The following WRN variants were observed in gnomAD, a reference collection of about 807,000 sequenced individuals.
WRN encodes the protein WRN RecQ like helicase.
A neutral mutation model predicts 180.7 loss-of-function variants in WRN; 149 were observed. That is an observed-to-expected ratio of 0.82 (90% CI 0.72 to 0.94). The LOEUF is 0.94. Ranked by LOEUF, WRN falls within the 40% of genes least tolerant of loss-of-function variation. WRN has a pLI of 0.00. For synonymous variants in WRN, 548 were observed against 568.9 expected (o/e 0.96, Z 0.52); for missense variants, 1,661 against 1,700.1 (o/e 0.98, Z 0.40).
intron 18 of WRN, among the ~76,000 whole-genome samples, chr8:31,108,309 C>T (rs1192347262): frequency 6.6e-6 from 1 of 152,096 alleles, no homozygotes; most frequent in Admixed American, 6.5e-5. Flanking sequence ...AATGTCCTGG[C>T]AAATGAGGAT....
chr8:31,072,458 G>A (rs75027493), intron 7 of WRN, among the ~76,000 whole-genome samples: 85 of 152,224 alleles, frequency 5.6e-4, no homozygotes, highest in Admixed American at 4.3e-3. Context: ...AGAATGAGGT[G>A]GGTGGAAGTC....
At chr8:31,094,459 C>G (rs1474453546) in intron 16 of WRN, among the ~76,000 whole-genome samples, 1 of 151,936 alleles carries the variant, frequency 6.6e-6, no homozygotes. Flanking sequence ...GATCCTCCCA[C>G]CTCAGTCTCC....
intron 1 of WRN, among the ~76,000 whole-genome samples, chr8:31,045,682 G>A (rs1164524635): frequency 1.3e-5 from 2 of 152,150 alleles, no homozygotes; most frequent in Non-Finnish European, 2.9e-5. Context: ...GATTACAGGT[G>A]TGAGCCACCT....
chr8:31,067,992 T>C (rs1339394096), intron 6 of WRN, among the ~76,000 whole-genome samples: 2 of 152,188 alleles, frequency 1.3e-5, no homozygotes, highest in Admixed American at 6.5e-5. Flanking sequence ...TTAGATTCCA[T>C]TTTAAGTTAT....
intron 7 of WRN, among the ~76,000 whole-genome samples, chr8:31,075,676 C>T (rs1252118534): frequency 6.6e-6 from 1 of 150,462 alleles, no homozygotes; most frequent in Non-Finnish European, 1.5e-5. Flanking sequence ...GCCGAGATTG[C>T]GCCACTGCAT....
chr8:31,090,418 G>T lies in WRN; in HGVS notation c.1653-47G>T. On this transcript the variant is annotated intron_variant, in intron 13 of 34. Transcript: ENST00000298139. ...GAATGGATTTTAATTTGTACCTTGG[G>T]TTTCTTATTAATAAAACAAAATAGC... is the stretch of plus-strand genomic sequence containing the variant. The T allele has an allele frequency of 6.4e-6, 10 of 1,552,672 alleles. 1 individual carries two copies. Among genetic ancestry groups the T allele is most frequent in the Non-Finnish European group, 8.0e-6 (9 of 1,127,048 alleles).
At chr8:31,064,184 C>A in intron 3 of WRN, 105 bp from the exon 4 acceptor site, 1 of 1,302,708 alleles carries the variant, frequency 7.7e-7, no homozygotes, top group Non-Finnish European at 1.1e-6. Context: ...CTCCAGATAA[C>A]TTGAACAGTC....
Position 31,090,643 on chromosome 8 carries a change from G to A in WRN, c.1720+111G>A. Reference sequence around the variant, plus strand: ...AAATACAAATGCAACTACAAATGATGTAAACTATAGAAGAGAGTGAACAAA... The same window carrying A: ...AAATACAAATGCAACTACAAATGATATAAACTATAGAAGAGAGTGAACAAA... On this transcript the variant is annotated intron_variant, in intron 14 of 34. Transcript: ENST00000298139. 4 of 1,210,748 alleles carry A rather than the reference G, an allele frequency of 3.3e-6. No homozygotes were observed. In the South Asian group the frequency reaches 3.9e-5, roughly 12 times the overall value. 75.0% of individuals were successfully genotyped at this position (1,210,748 alleles called of 1,614,324 possible).
chr8:31,043,508 A>G (rs1811733134), intron 1 of WRN, among the ~76,000 whole-genome samples: 1 of 152,158 alleles, frequency 6.6e-6, no homozygotes. Flanking sequence ...TTAGGATGCT[A>G]TTGAAATTTG....
chr8:31,111,869 T>C (rs1801334118), intron 19 of WRN, 70 bp downstream of exon 19: 3 of 1,551,168 alleles, frequency 1.9e-6, no homozygotes, highest in Admixed American at 3.5e-5. Context: ...TTATGTATTT[T>C]ATGTTATTTA....
chr8:31,090,435 C>G, intron 13 of WRN, 30 bp from the exon 14 acceptor site: 1 of 1,602,990 alleles, frequency 6.2e-7, no homozygotes, highest in Non-Finnish European at 8.5e-7. Context: ...ATTAATAAAA[C>G]AAAATAGCTT....
intron 13 of WRN, among the ~76,000 whole-genome samples, chr8:31,089,622 A>G (rs990031466): frequency 6.6e-6 from 1 of 151,976 alleles, no homozygotes; most frequent in African/African-American, 2.4e-5. Context: ...TGTAGAGATC[A>G]ATGAATTGTC....
At chr8:31,143,060 C>CAT (rs1169119469) in intron 27 of WRN, among the ~76,000 whole-genome samples, 2 of 71,496 alleles carry the variant, frequency 2.8e-5, no homozygotes. Flanking sequence ...CACACATTCT[C>CAT]TCTCTCTCTC....
At position 31,083,756 on chromosome 8, in the gene WRN, G is replaced by A. The variant is rs1287053714; in HGVS notation, c.1327G>A (p.Asp443Asn). 1.2e-6 allele frequency: 2 copies of A among 1,605,336 alleles called. No individual in the cohort carries two copies. Among genetic ancestry groups the A allele is most frequent in the Admixed American group, 1.7e-5 (1 of 59,842 alleles). ...DTSYVIESDE[D>N]LEMEMLKHLS... ...GTCCTATGTAATTGAGAGTGATGAA[G>A]ATTTAGAAATGGAGATGCTTAAGGT... Residue 443 changes from aspartate to asparagine, a missense_variant, in exon 10 of 35, where the codon GAT (aspartate) becomes AAT (asparagine). Coordinates refer to ENST00000298139, the MANE Select transcript of WRN (RefSeq NM_000553.6).
At position 31,157,492 on chromosome 8, in the gene WRN, T is replaced by C; in HGVS notation, c.3944T>C (p.Ile1315Thr). 1 of 1,614,138 alleles carries C rather than the reference T, an allele frequency of 6.2e-7. No individual in the cohort carries two copies. The change falls in exon 33 of 35, where the codon ATT becomes ACT. Residue 1315 changes from isoleucine to threonine, a missense_variant. By Grantham distance (89) the Ile-to-Thr change is moderately conservative. Coordinates refer to ENST00000298139, the MANE Select transcript of WRN (RefSeq NM_000553.6). ...GGCCTGACTCCAGAGGTTCAGAAGATTATTGCTGATGTTATCCGAAACCCT... is the reference window on the plus strand; with the variant it reads ...GGCCTGACTCCAGAGGTTCAGAAGACTATTGCTGATGTTATCCGAAACCCT... ...RAGLTPEVQK[I>T]IADVIRNPPV...
intron 31 of WRN, among the ~76,000 whole-genome samples, chr8:31,151,837 A>T (rs7003227): frequency 0.24 from 35,641 of 150,964 alleles, 4,318 homozygotes; most frequent in South Asian, 0.29. Flanking sequence ...TGAATTATTT[A>T]AAAAAAAACA....
chr8:31,139,999 CTTTGTTTTTTTTT>C (rs1440825175), intron 24 of WRN, among the ~76,000 whole-genome samples: 25 of 74,760 alleles, frequency 3.3e-4, no homozygotes, highest in African/African-American at 1.3e-3. Flanking sequence ...TTGTATACTT[CTTTGTTTTTTTTT>C]TTTTTTTTTT....
At chr8:31,126,188 A>G (rs1801926790) in intron 23 of WRN, among the ~76,000 whole-genome samples, 1 of 152,152 alleles carries the variant, frequency 6.6e-6, no homozygotes, top group Non-Finnish European at 1.5e-5. Flanking sequence ...ATTCTACCCA[A>G]CAACAGTAGA....
chr8:31,042,910 A>T lies in WRN; in HGVS notation c.-77+8937A>T, dbSNP rs1022457895. Among the ~76,000 whole-genome samples, 5 of 152,356 alleles carry T rather than the reference A, an allele frequency of 3.3e-5. No homozygotes were observed. The South Asian group carries it at 1.0e-3, about 32-fold the overall frequency. ...GAATTGTTAAATTATGATAGATAAA[A>T]TGGAATTCTATTCAGTCTTCAAAAA... On this transcript the variant is annotated intron_variant, in intron 1 of 34. Coordinates refer to ENST00000298139, the MANE Select transcript of WRN (RefSeq NM_000553.6).
Sources: gnomAD v4.1 joint callset for allele counts (sites outside exome capture counted in the v4.1 genomes callset) on GRCh38, gnomAD v4.1.1 for gene constraint, MANE v1.5 for transcripts, NCBI Gene and HGNC (gene_info 2026-07-23, HGNC 2026-07-21) for gene names.